Variants in AFDN observed in about 807,000 individuals in gnomAD.
The protein encoded by AFDN is afadin, adherens junction formation factor.
Under a neutral mutation model 216.6 loss-of-function variants are expected in AFDN, and 68 were observed. The observed-to-expected ratio is 0.31, with a 90% CI of 0.26 to 0.38. The LOEUF (loss-of-function observed/expected upper bound fraction) is 0.38. Ranked by LOEUF, AFDN falls within the 10% of genes least tolerant of loss-of-function variation. The pLI is 1.00. For synonymous variants in AFDN, 868 were observed against 853.7 expected (o/e 1.02, Z -0.29); for missense variants, 2,136 against 2,342.0 (o/e 0.91, Z 1.82).
chr6:167,840,513 G>T (rs889958812), intron 1 of AFDN, among the ~76,000 whole-genome samples: 3 of 152,204 alleles, frequency 2.0e-5, no homozygotes, highest in African/African-American at 7.2e-5. Context: ...GCTCATTCTT[G>T]AACCATAGTA....
chr6:167,904,918 C>A lies in AFDN; in HGVS notation c.1651-2253C>A, dbSNP rs190987700. Among the ~76,000 whole-genome samples the A allele has an allele frequency of 3.0e-3, 463 of 152,320 alleles. 2 individuals carry two copies. Among genetic ancestry groups the A allele is most frequent in the Middle Eastern group, 0.01 (3 of 294 alleles). On this transcript the variant is annotated intron_variant, in intron 12 of 33. Coordinates refer to ENST00000683244, the MANE Select transcript of AFDN (RefSeq NM_001386888.1). ...CCTGGTGGCTTCCCAACCCATATATCAGTCTTCACCCTGACTTGCTCAGCC... is the reference window on the plus strand; with the variant it reads ...CCTGGTGGCTTCCCAACCCATATATAAGTCTTCACCCTGACTTGCTCAGCC...
At chr6:167,858,071 A>T (rs1465576943) in intron 1 of AFDN, among the ~76,000 whole-genome samples, 1 of 152,204 alleles carries the variant, frequency 6.6e-6, no homozygotes, top group African/African-American at 2.4e-5. Context: ...GTAGTTATTT[A>T]AAAAGAGTTA....
At chr6:167,909,637 T>C (rs1790138114) in intron 13 of AFDN, among the ~76,000 whole-genome samples, 1 of 152,194 alleles carries the variant, frequency 6.6e-6, no homozygotes, top group Non-Finnish European at 1.5e-5. Context: ...TGAGTATTTC[T>C]CATTCCAATA....
At chr6:167,832,280 C>T (rs139963500) in intron 1 of AFDN, among the ~76,000 whole-genome samples, 14 of 152,256 alleles carry the variant, frequency 9.2e-5, no homozygotes, top group Non-Finnish European at 1.9e-4. Context: ...AAAAATCTAC[C>T]GGTGGGCTTC....
rs770826881 is a variant in AFDN, at chr6:167,870,449, G to A, written c.365G>A (p.Arg122Gln). Residue 122 changes from arginine (R) to glutamine (Q), a missense_variant, in exon 3 of 34, where the codon CGG (arginine) becomes CAG (glutamine). By Grantham distance (43) the Arg-to-Gln change is conservative. Around this residue, in one of 8 missense-constraint regions of AFDN, gnomAD observed 817 missense variants for 965.7 expected, o/e 0.85. Transcript: ENST00000683244. Reference sequence around the variant, plus strand: ...CAACTGAATTGGAACAAAGATGATCGGGAAGGCAGATTTGTTCTTAAGAAT... The same window carrying A: ...CAACTGAATTGGAACAAAGATGATCAGGAAGGCAGATTTGTTCTTAAGAAT... The part of the protein sequence containing the change: ...VVQLNWNKDD[R>Q]EGRFVLKNEN... The A allele has an allele frequency of 3.1e-6, 5 of 1,612,188 alleles. No homozygotes were observed. The East Asian group carries it at 6.7e-5, about 22-fold the overall frequency.
intron 31 of AFDN, 54 bp from the exon 32 acceptor site, chr6:167,965,703 G>A (rs1457722532): frequency 2.1e-6 from 3 of 1,460,080 alleles, no homozygotes; most frequent in Non-Finnish European, 2.7e-6. Context: ...CCAGTGGGTC[G>A]GCTGTTCCCT....
intron 30 of AFDN, among the ~76,000 whole-genome samples, chr6:167,955,134 T>C (rs989750569): frequency 1.3e-5 from 2 of 152,184 alleles, no homozygotes; most frequent in African/African-American, 4.8e-5. Flanking sequence ...ATGGTATCTT[T>C]ATCACCTGCT....
Position 167,951,108 on chromosome 6 carries a change from C to A in AFDN, c.3832-78C>A. 6.8e-7 allele frequency: 1 copy of A among 1,467,248 alleles called. No homozygotes were observed. The highest frequency in any genetic ancestry group is 9.0e-7 in the Non-Finnish European group (1 of 1,111,006). 90.9% of individuals were successfully genotyped at this position (1,467,248 alleles called of 1,614,324 possible). A position where few individuals can be genotyped will look rare whatever the true frequency, so the allele number is the denominator to read the frequency against. Reference sequence around the variant, plus strand: ...ACTGATTTAACAGTTTTTCTTCTGTCTGAAGATAAAATGTTTGTGGATATT... The same window carrying A: ...ACTGATTTAACAGTTTTTCTTCTGTATGAAGATAAAATGTTTGTGGATATT... On this transcript the variant is annotated intron_variant, in intron 29 of 33. Coordinates refer to ENST00000683244, the MANE Select transcript of AFDN (RefSeq NM_001386888.1). This position sits in a 1 kb window ranked among gnomAD's most constrained non-coding sequence, Gnocchi z 7.1.
intron 15 of AFDN, among the ~76,000 whole-genome samples, chr6:167,913,010 G>A (rs1416109440): frequency 6.6e-6 from 1 of 152,036 alleles, no homozygotes; most frequent in African/African-American, 2.4e-5. Context: ...TAGAGGGATG[G>A]ACTTTCACCT....
chr6:167,870,480 T>G lies in AFDN; in HGVS notation c.396T>G (p.Asn132Lys). 1.9e-6 allele frequency: 3 copies of G among 1,610,390 alleles called. No individual in the cohort carries two copies. Among genetic ancestry groups the G allele is most frequent in the Non-Finnish European group, 2.5e-6 (3 of 1,177,638 alleles). Residue 132 changes from asparagine (N) to lysine (K), a missense_variant, in exon 3 of 34, where the codon AAT becomes AAG. Asn to Lys is a moderately conservative substitution (Grantham distance 94). Around this residue, in one of 8 missense-constraint regions of AFDN, gnomAD observed 817 missense variants for 965.7 expected, o/e 0.85. Transcript: ENST00000683244. ...GCAGATTTGTTCTTAAGAATGAGAA[T>G]GACGCCATTCCTCCTAAGGTAGGAA... is the stretch of plus-strand genomic sequence containing the variant. ...REGRFVLKNE[N>K]DAIPPKKAQS...
chr6:167,898,687 A>AT (rs1788577906), intron 11 of AFDN, among the ~76,000 whole-genome samples: 1 of 152,214 alleles, frequency 6.6e-6, no homozygotes, highest in South Asian at 2.1e-4. Flanking sequence ...CTGGTTTTAA[A>AT]TTGTTTATAT....
At chr6:167,908,236 A>G (rs1014038411) in intron 13 of AFDN, among the ~76,000 whole-genome samples, 1 of 152,234 alleles carries the variant, frequency 6.6e-6, no homozygotes, top group African/African-American at 2.4e-5. Flanking sequence ...CAGGTGACGA[A>G]GACACAGTTC....
chr6:167,906,263 A>T (rs1197979124), intron 12 of AFDN, among the ~76,000 whole-genome samples: 1 of 152,246 alleles, frequency 6.6e-6, no homozygotes, highest in Non-Finnish European at 1.5e-5. Flanking sequence ...ACAAAATGTT[A>T]TACAGCCATT....
intron 5 of AFDN, among the ~76,000 whole-genome samples, chr6:167,876,064 T>C (rs545248053): frequency 6.6e-6 from 1 of 152,282 alleles, no homozygotes; most frequent in African/African-American, 2.4e-5. Flanking sequence ...TGAGATGGGA[T>C]CTAAATGAGA....
upstream of AFDN, chr6:167,826,900 G>GGGCGGCT (rs1318988541): frequency 2.1e-5 from 3 of 144,374 alleles, no homozygotes; most frequent in Non-Finnish European, 4.6e-5. Flanking sequence ...GGCGGGCGGC[G>GGGCGGCT]GGCGCCGGGC....
At chr6:167,966,071 A>G (rs537293492) in intron 32 of AFDN, 26 bp downstream of exon 32, 7 of 1,539,668 alleles carry the variant, frequency 4.5e-6, no homozygotes, top group South Asian at 2.4e-5. Flanking sequence ...CCAGCACAAG[A>G]AAGTCTCATG....
In AFDN at chr6:167,922,943, G is replaced by A. The variant is rs759978772; in HGVS notation, c.2996G>A (p.Arg999His). ...EGADYESHLL[R>H]ENTELAQPLR... is the part of the protein sequence containing the mutation. ...GCAGATTATGAAAGTCACCTTCTGCGTGAGAACACAGAGCTGGCAAGTATT... is the reference window on the plus strand; with the variant it reads ...GCAGATTATGAAAGTCACCTTCTGCATGAGAACACAGAGCTGGCAAGTATT... Residue 999 changes from arginine to histidine, a missense_variant, in exon 22 of 34, where the codon CGT becomes CAT. Around this residue, in one of 8 missense-constraint regions of AFDN, gnomAD observed 162 missense variants for 182.6 expected, o/e 0.89. Transcript: ENST00000683244. 144 of 1,611,454 alleles carry A rather than the reference G, an allele frequency of 8.9e-5. 1 individual carries two copies. Among genetic ancestry groups the A allele is most frequent in the South Asian group, 4.2e-4 (38 of 90,894 alleles).
intron 12 of AFDN, 114 bp downstream of exon 12, chr6:167,902,500 C>T: frequency 2.7e-6 from 2 of 740,182 alleles, no homozygotes; most frequent in Admixed American, 2.1e-5. Flanking sequence ...GTTCCAAGAC[C>T]ACCAGTCAAT....
chr6:167,906,431 A>G (rs1486111857), intron 12 of AFDN, among the ~76,000 whole-genome samples: 3 of 152,200 alleles, frequency 2.0e-5, no homozygotes, highest in South Asian at 2.1e-4. Flanking sequence ...TAAGAGAAAC[A>G]TGATTTTTTA....
Sources: allele counts gnomAD v4.1 joint callset (sites outside exome capture counted in the v4.1 genomes callset), GRCh38; gene constraint gnomAD v4.1.1; regional missense constraint gnomAD v4.1.1; non-coding constraint Gnocchi (gnomAD v3.1); transcripts MANE v1.5; gene names NCBI Gene and HGNC (gene_info 2026-07-23, HGNC 2026-07-21).